Variants in B3GALT1 observed in about 807,000 individuals in gnomAD.
B3GALT1 encodes the protein UDP-Gal:betaGlcNAc beta 1,3-galactosyltransferase, polypeptide 1.
A neutral mutation model predicts 23.2 loss-of-function variants in B3GALT1; 10 were observed. That is an observed-to-expected ratio of 0.43 (90% CI 0.27 to 0.73). B3GALT1 has a LOEUF of 0.73. Among genes scored for constraint, B3GALT1 ranks in the 30% least tolerant of loss-of-function variants. The probability of loss-of-function intolerance (pLI) is 0.21; values close to 1 mark genes in which losing one functional copy is unlikely to be tolerated. For missense variants in B3GALT1, 299 were observed against 405.4 expected (o/e 0.74, Z 2.25); for synonymous variants, 156 against 141.5 (o/e 1.10, Z -0.73).
At chr2:167,374,325 C>G (rs1377529578) in intron 1 of B3GALT1, among the ~76,000 whole-genome samples, 1 of 152,206 alleles carries the variant, frequency 6.6e-6, no homozygotes, top group African/African-American at 2.4e-5. Context: ...GATGAACATG[C>G]AAGTGCATGG....
At chr2:167,616,643 C>T (rs770823367) in intron 2 of B3GALT1, among the ~76,000 whole-genome samples, 3 of 151,734 alleles carry the variant, frequency 2.0e-5, no homozygotes, top group Non-Finnish European at 2.9e-5. Context: ...TACAGTGAGC[C>T]GAGATCACGC....
chr2:167,739,419 T>C (rs955143771), intron 3 of B3GALT1, among the ~76,000 whole-genome samples: 4 of 152,164 alleles, frequency 2.6e-5, no homozygotes, highest in Admixed American at 1.3e-4. Flanking sequence ...TTAGGAAATA[T>C]TTGTTCATAG....
intron 2 of B3GALT1, among the ~76,000 whole-genome samples, chr2:167,583,778 A>G (rs1201084265): frequency 1.4e-5 from 2 of 146,882 alleles, no homozygotes; most frequent in African/African-American, 5.5e-5. Flanking sequence ...AATCTGACAG[A>G]AATTTTGGAT....
intron 2 of B3GALT1, among the ~76,000 whole-genome samples, chr2:167,498,852 T>C: frequency 6.6e-6 from 1 of 152,122 alleles, no homozygotes; most frequent in East Asian, 1.9e-4. Flanking sequence ...GGACCCACTC[T>C]CAGTCTTTTA....
At chr2:167,393,122 T>C (rs908175906) in intron 1 of B3GALT1, among the ~76,000 whole-genome samples, 1 of 151,816 alleles carries the variant, frequency 6.6e-6, no homozygotes, top group African/African-American at 2.4e-5. Flanking sequence ...TAGTCCCAGC[T>C]GCTTGGGAGG....
intron 1 of B3GALT1, among the ~76,000 whole-genome samples, chr2:167,422,412 A>G (rs566525501): frequency 9.2e-5 from 14 of 152,260 alleles, no homozygotes; most frequent in South Asian, 2.1e-4. Flanking sequence ...CACCCAGTCT[A>G]TGGTATTTTG....
intron 1 of B3GALT1, among the ~76,000 whole-genome samples, chr2:167,308,255 C>G (rs976232116): frequency 2.0e-5 from 3 of 151,820 alleles, no homozygotes. Context: ...TTGATAGAGC[C>G]AAGAATTTAA....
rs372120057 is a variant in B3GALT1, at chr2:167,668,923, C to T, written c.-352+21957C>T. Reference sequence around the variant, plus strand: ...TCACCCGTCTTCTGCGTCGCTCACGCTGGGAGCTATAGACTGGAGCTGTTC... The same window carrying T: ...TCACCCGTCTTCTGCGTCGCTCACGTTGGGAGCTATAGACTGGAGCTGTTC... On this transcript the variant is annotated intron_variant, in intron 3 of 4. Transcript: ENST00000392690. 3.3e-3 allele frequency among the ~76,000 whole-genome samples: 502 copies of T among 152,336 alleles called. 1 individual carries two copies. The highest frequency in any genetic ancestry group is 0.011 in the African/African-American group (473 of 41,580).
chr2:167,785,684 C>T (rs1259076763), intron 3 of B3GALT1, among the ~76,000 whole-genome samples: 3 of 152,180 alleles, frequency 2.0e-5, no homozygotes, highest in African/African-American at 7.2e-5. Context: ...CTTTAAATGT[C>T]ATGCTTCACT....
At position 167,499,046 on chromosome 2, in the gene B3GALT1, TA is replaced by T. The variant is rs562434493; in HGVS notation, c.-410+8770del. Among the ~76,000 whole-genome samples the T allele has an allele frequency of 2.0e-5, 3 of 152,302 alleles. No homozygotes were observed. In the East Asian group the frequency reaches 5.8e-4, roughly 29 times the overall value. On this transcript the variant is annotated intron_variant, in intron 2 of 4. Coordinates refer to ENST00000392690, the MANE Select transcript of B3GALT1 (RefSeq NM_020981.4). ...TTTTGAGTTGGTGGTTACACTTTTA[TA>T]TTTATTTTTGCTTCCATTTTATATT...
intron 1 of B3GALT1, among the ~76,000 whole-genome samples, chr2:167,388,470 C>T (rs1051374373): frequency 9.2e-5 from 14 of 152,112 alleles, no homozygotes; most frequent in Non-Finnish European, 1.9e-4. Flanking sequence ...AGTTGATGCT[C>T]CCCTGGGCCT....
At chr2:167,365,546 C>G (rs1697572262) in intron 1 of B3GALT1, among the ~76,000 whole-genome samples, 2 of 150,292 alleles carry the variant, frequency 1.3e-5, no homozygotes, top group Non-Finnish European at 3.0e-5. Context: ...AAGATCGTAT[C>G]TTTTCTTAGG....
chr2:167,729,912 C>T (rs1442026767), intron 3 of B3GALT1, among the ~76,000 whole-genome samples: 1 of 152,124 alleles, frequency 6.6e-6, no homozygotes, highest in Non-Finnish European at 1.5e-5. Flanking sequence ...AGGTCTTCCT[C>T]CTCCAATTAG....
chr2:167,589,887 G>T (rs1283878668), intron 2 of B3GALT1, among the ~76,000 whole-genome samples: 1 of 152,000 alleles, frequency 6.6e-6, no homozygotes, highest in East Asian at 1.9e-4. Flanking sequence ...CAAAACTTGG[G>T]TTCATCTCCA....
chr2:167,818,851 G>A (rs1293529222), intron 4 of B3GALT1, among the ~76,000 whole-genome samples, 58 bp downstream of exon 4: 3 of 152,132 alleles, frequency 2.0e-5, no homozygotes, highest in South Asian at 2.1e-4. Flanking sequence ...GCCCAGCGTC[G>A]AGGAAAAATA....
intron 2 of B3GALT1, among the ~76,000 whole-genome samples, chr2:167,513,548 T>G (rs1296949699): frequency 6.6e-6 from 1 of 152,186 alleles, no homozygotes; most frequent in Non-Finnish European, 1.5e-5. Flanking sequence ...TTCTATAGTT[T>G]AAAAAGTTAC....
intron 1 of B3GALT1, among the ~76,000 whole-genome samples, chr2:167,326,649 A>G (rs1393144072): frequency 1.4e-4 from 21 of 152,032 alleles, no homozygotes; most frequent in Middle Eastern, 3.4e-3. Context: ...TCTTCTGTAT[A>G]TGGTTATCCA....
At chr2:167,742,912 T>A (rs1025220683) in intron 3 of B3GALT1, among the ~76,000 whole-genome samples, 1 of 152,250 alleles carries the variant, frequency 6.6e-6, no homozygotes, top group South Asian at 2.1e-4. Flanking sequence ...TTTTGTTTTA[T>A]CATTTATTTG....
At chr2:167,530,299 T>C (rs572753581) in intron 2 of B3GALT1, among the ~76,000 whole-genome samples, 3 of 152,342 alleles carry the variant, frequency 2.0e-5, no homozygotes, top group South Asian at 2.1e-4. Context: ...ATTACACTTA[T>C]ATATTACATA....
Sources: allele counts gnomAD v4.1 joint callset (sites outside exome capture counted in the v4.1 genomes callset), GRCh38; gene constraint gnomAD v4.1.1; transcripts MANE v1.5; gene names NCBI Gene and HGNC (gene_info 2026-07-23, HGNC 2026-07-21).